The following AMBN variants were observed in gnomAD, a reference collection of about 807,000 sequenced individuals.
AMBN encodes ameloblastin.
A neutral mutation model predicts 48.0 loss-of-function variants in AMBN; 54 were observed. That is an observed-to-expected ratio of 1.12 (90% CI 0.90 to 1.41). The LOEUF (loss-of-function observed/expected upper bound fraction) is 1.41, where lower values mean the gene tolerates loss of function less well. Ranked by LOEUF, AMBN falls within the 40% of genes most tolerant of loss-of-function variation. AMBN has a pLI of 0.00. For missense variants in AMBN, 571 were observed against 547.3 expected (o/e 1.04, Z -0.43); for synonymous variants, 186 against 190.0 (o/e 0.98, Z 0.17).
chr4:70,601,052 G>T (rs887757170), intron 5 of AMBN, among the ~76,000 whole-genome samples: 4 of 152,190 alleles, frequency 2.6e-5, no homozygotes, highest in Non-Finnish European at 4.4e-5. Flanking sequence ...TCTCTCCGTT[G>T]ACTGGGGGAC....
At chr4:70,598,905 G>C (rs1387366882) in intron 4 of AMBN, among the ~76,000 whole-genome samples, 1 of 151,188 alleles carries the variant, frequency 6.6e-6, no homozygotes, top group African/African-American at 2.4e-5. Context: ...CTCCCAAGTA[G>C]CTGGGATTAC....
In AMBN at chr4:70,606,594, C is replaced by T. The variant is rs1322005564; in HGVS notation, c.1208C>T (p.Thr403Ile). 1 of 1,614,048 alleles carries T rather than the reference C, an allele frequency of 6.2e-7. No individual in the cohort carries two copies. Among genetic ancestry groups the T allele is most frequent in the Admixed American group, 1.7e-5 (1 of 60,010 alleles). ...DVYRTYDADM[T>I]TSVDFQEEAT... ...TATAGGACCTACGATGCTGACATGA[C>T]CACATCCGTGGATTTCCAGGAAGAA... Residue 403 changes from threonine (T) to isoleucine (I), a missense_variant, in exon 13 of 13, where the codon ACC (threonine) becomes ATC (isoleucine). Transcript: ENST00000322937.
At chr4:70,598,075 T>G (rs1445059523) in intron 3 of AMBN, among the ~76,000 whole-genome samples, 1 of 152,240 alleles carries the variant, frequency 6.6e-6, no homozygotes, top group East Asian at 1.9e-4. Context: ...TTCAATGGAA[T>G]GAGCTATTTT....
chr4:70,597,909 TGAAA>T, intron 3 of AMBN, among the ~76,000 whole-genome samples: 1 of 152,282 alleles, frequency 6.6e-6, no homozygotes, highest in East Asian at 1.9e-4. Context: ...TTTAATATTT[TGAAA>T]GATTTATTTT....
chr4:70,598,435 G>A (rs2109801443), intron 4 of AMBN, 32 bp downstream of exon 4: 3 of 1,525,410 alleles, frequency 2.0e-6, no homozygotes, highest in Non-Finnish European at 2.7e-6. Flanking sequence ...AGTATTCATG[G>A]TGGTGGTAGT....
intron 2 of AMBN, among the ~76,000 whole-genome samples, chr4:70,595,981 C>A (rs1054915447): frequency 1.3e-5 from 2 of 152,032 alleles, no homozygotes; most frequent in African/African-American, 4.8e-5. Flanking sequence ...CATAGTGAGA[C>A]CCCCATCTCT....
intron 6 of AMBN, among the ~76,000 whole-genome samples, chr4:70,602,176 T>C (rs183137060): frequency 1.3e-5 from 2 of 152,292 alleles, no homozygotes; most frequent in East Asian, 3.9e-4. Context: ...CATTCCCCCA[T>C]ATCACCCTGC....
At position 70,594,755 on chromosome 4, in the gene AMBN, T is replaced by C. The variant is rs115081332; in HGVS notation, c.84+1360T>C. Among the ~76,000 whole-genome samples, 116 of 152,330 alleles carry C rather than the reference T, an allele frequency of 7.6e-4. 2 individuals carry two copies. The highest frequency in any genetic ancestry group is 3.4e-3 in the Middle Eastern group (1 of 294). ...GTTGGGATGAGCCTCAGTCATTCAC[T>C]ATCAGTCTAACACATTGGCATTCTT... On this transcript the variant is annotated intron_variant, in intron 2 of 12. Transcript: ENST00000322937.
chr4:70,603,805 CTT>C, intron 11 of AMBN, 70 bp from the exon 12 acceptor site: 1 of 1,528,788 alleles, frequency 6.5e-7, no homozygotes, highest in South Asian at 1.1e-5. Context: ...AACTAAATAA[CTT>C]TTAACTTTGT....
At chr4:70,598,120 C>A (rs1316331491) in intron 3 of AMBN, among the ~76,000 whole-genome samples, 1 of 152,154 alleles carries the variant, frequency 6.6e-6, no homozygotes, top group Admixed American at 6.5e-5. Flanking sequence ...TTAAATAATA[C>A]TTTTTCTCCT....
intron 4 of AMBN, among the ~76,000 whole-genome samples, chr4:70,599,236 A>G (rs1242853362): frequency 2.0e-5 from 3 of 152,030 alleles, no homozygotes; most frequent in Non-Finnish European, 4.4e-5. Context: ...AGGTCAAGAG[A>G]TCAAGACCAT....
intron 5 of AMBN, among the ~76,000 whole-genome samples, chr4:70,600,863 T>G (rs1737505300): frequency 6.6e-6 from 1 of 152,160 alleles, no homozygotes. Flanking sequence ...TGACTGTTTC[T>G]TAACTTAATT....
intron 4 of AMBN, among the ~76,000 whole-genome samples, chr4:70,599,322 AC>A (rs1393699305): frequency 7.2e-5 from 11 of 151,746 alleles, no homozygotes; most frequent in Non-Finnish European, 1.6e-4. Context: ...GTGCCTGTAG[AC>A]CCAGCTACTC....
At chr4:70,599,147 G>C (rs1244038886) in intron 4 of AMBN, among the ~76,000 whole-genome samples, 3 of 151,724 alleles carry the variant, frequency 2.0e-5, no homozygotes, top group Non-Finnish European at 1.5e-5. Context: ...TGATTTTTTA[G>C]AAAATGAAAA....
At chr4:70,601,048 C>T (rs1312916574) in intron 5 of AMBN, among the ~76,000 whole-genome samples, 5 of 152,096 alleles carry the variant, frequency 3.3e-5, no homozygotes, top group Non-Finnish European at 7.3e-5. Flanking sequence ...ATTCTCTCTC[C>T]GTTGACTGGG....
At chr4:70,593,581 A>T (rs1737322949) in intron 2 of AMBN, among the ~76,000 whole-genome samples, 186 bp downstream of exon 2, 1 of 152,168 alleles carries the variant, frequency 6.6e-6, no homozygotes, top group South Asian at 2.1e-4. Context: ...GCGGTAAGTG[A>T]TAGCCGGGTG....
In AMBN at chr4:70,606,584, G is replaced by A. The variant is rs1215731466; in HGVS notation, c.1198G>A (p.Ala400Thr). ...AGCTGATGTTTATAGGACCTACGATGCTGACATGACCACATCCGTGGATTT... is the reference window on the plus strand; with the variant it reads ...AGCTGATGTTTATAGGACCTACGATACTGACATGACCACATCCGTGGATTT... ...ELADVYRTYD[A>T]DMTTSVDFQE... The change falls in exon 13 of 13, where the codon GCT becomes ACT. Residue 400 changes from alanine (A) to threonine (T), a missense_variant. Coordinates refer to ENST00000322937, the MANE Select transcript of AMBN (RefSeq NM_016519.6). The A allele has an allele frequency of 6.2e-7, 1 of 1,614,134 alleles. No homozygotes were observed. Among genetic ancestry groups the A allele is most frequent in the South Asian group, 1.1e-5 (1 of 91,088 alleles).
Position 70,603,266 on chromosome 4 carries a change from C to T in AMBN, c.655C>T (p.Gln219Ter). 3 of 1,613,294 alleles carry T rather than the reference C, an allele frequency of 1.9e-6. No individual in the cohort carries two copies. The highest frequency in any genetic ancestry group is 2.5e-6 in the Non-Finnish European group (3 of 1,179,616). Residue 219 changes from glutamine to a stop codon, truncating the protein, a stop_gained, in exon 10 of 13, where the codon CAA becomes TAA. Coordinates refer to ENST00000322937, the MANE Select transcript of AMBN (RefSeq NM_016519.6). LOFTEE classifies it high-confidence loss of function. ...TGTTTTCTACCATTTAAAGATTTTC[C>T]AAATAGCCCGTTTGATTTCTCACGG... is the stretch of plus-strand genomic sequence containing the variant. ...FADPQGSTIF[Q>*]IARLISHGPM...
intron 1 of AMBN, among the ~76,000 whole-genome samples, chr4:70,593,119 A>G (rs2109798445): frequency 6.6e-6 from 1 of 152,228 alleles, no homozygotes; most frequent in African/African-American, 2.4e-5. Context: ...GTGCTTAGAT[A>G]TTTTTTAATT....
Sources: gnomAD v4.1 joint callset for allele counts (sites outside exome capture counted in the v4.1 genomes callset) on GRCh38, gnomAD v4.1.1 for gene constraint, MANE v1.5 for transcripts, NCBI Gene and HGNC (gene_info 2026-07-23, HGNC 2026-07-21) for gene names.